Variants in PCNX2 observed in about 807,000 individuals in gnomAD.
PCNX2 encodes pecanex 2, also known as pecanex-like protein 2.
A neutral mutation model predicts 223.8 loss-of-function variants in PCNX2; 168 were observed. The observed-to-expected ratio is 0.75, with a 90% CI of 0.66 to 0.85. The LOEUF (loss-of-function observed/expected upper bound fraction) is 0.85. Ranked by LOEUF, PCNX2 falls within the 40% of genes least tolerant of loss-of-function variation. The probability of loss-of-function intolerance (pLI) is 0.00; values close to 1 mark genes in which losing one functional copy is unlikely to be tolerated. For synonymous variants in PCNX2, 1,006 were observed against 1,052.6 expected, an observed-to-expected ratio of 0.96 and a Z score of 0.86; for missense variants, 2,507 against 2,675.5, an observed-to-expected ratio of 0.94 and a Z score of 1.39.
chr1:233,129,553 G>A (rs1350487444), intron 21 of PCNX2, among the ~76,000 whole-genome samples: 1 of 152,226 alleles, frequency 6.6e-6, no homozygotes, highest in East Asian at 1.9e-4. Context: ...CCTCAGTGTG[G>A]GATCCACTGG....
intron 8 of PCNX2, among the ~76,000 whole-genome samples, chr1:233,247,684 C>T (rs1382663284): frequency 6.6e-6 from 1 of 151,948 alleles, no homozygotes; most frequent in African/African-American, 2.4e-5. Context: ...TTGAGACCAG[C>T]CTGGCCAACA....
At position 233,280,148 on chromosome 1, in the gene PCNX2, G is replaced by A. The variant is rs141491135; in HGVS notation, c.153+15178C>T. 1.7e-3 allele frequency among the ~76,000 whole-genome samples: 256 copies of A among 152,078 alleles called. 1 individual carries two copies. The highest frequency in any genetic ancestry group is 5.8e-3 in the African/African-American group (242 of 41,458). On this transcript the variant is annotated intron_variant, in intron 1 of 33. Transcript: ENST00000258229. ...GCTGTGTACTACTCCACTGTAGGACGTACCTTAATCCATTAAGCCAATTCC... is the reference window on the plus strand; with the variant it reads ...GCTGTGTACTACTCCACTGTAGGACATACCTTAATCCATTAAGCCAATTCC...
chr1:233,259,439 C>T (rs888203000), intron 4 of PCNX2, 95 bp from the exon 5 acceptor site: 6 of 1,406,316 alleles, frequency 4.3e-6, no homozygotes, highest in African/African-American at 1.5e-5. Context: ...TAAAACAGCA[C>T]CAGCAACTAA....
Position 232,998,235 on chromosome 1 carries a change from C to T in PCNX2, c.5791+16G>A. The T allele has an allele frequency of 6.6e-7, 1 of 1,521,504 alleles. No individual in the cohort carries two copies. Among genetic ancestry groups the T allele is most frequent in the East Asian group, 2.4e-5 (1 of 40,972 alleles). The allele number at this position is 1,521,504 out of a possible 1,614,324, so 94.3% of individuals were successfully genotyped here. ...TAGGACTTCATCGATAGTTTGGAGG[C>T]CCCTGCTGCACCCACCTGTTCTCTG... On this transcript the variant is annotated intron_variant, in intron 32 of 33. Transcript: ENST00000258229.
At chr1:233,268,861 T>C (rs1432848466) in intron 1 of PCNX2, among the ~76,000 whole-genome samples, 2 of 152,188 alleles carry the variant, frequency 1.3e-5, no homozygotes, top group African/African-American at 4.8e-5. Flanking sequence ...GAACTGGGCA[T>C]GTCTTTCTCA....
chr1:233,149,463 G>GCCT (rs1571971851), intron 19 of PCNX2, among the ~76,000 whole-genome samples: 1 of 120,336 alleles, frequency 8.3e-6, no homozygotes, highest in East Asian at 2.3e-4. Flanking sequence ...TTTCAGTGGG[G>GCCT]GTGAGGCTTG....
chr1:233,224,170 G>A (rs1413449191), intron 10 of PCNX2, among the ~76,000 whole-genome samples: 2 of 152,214 alleles, frequency 1.3e-5, no homozygotes, highest in Non-Finnish European at 2.9e-5. Context: ...ATAATGCACA[G>A]AAGGGCAACT....
intron 27 of PCNX2, among the ~76,000 whole-genome samples, chr1:233,015,131 G>C (rs1670605443): frequency 6.6e-6 from 1 of 152,206 alleles, no homozygotes; most frequent in Non-Finnish European, 1.5e-5. Flanking sequence ...CAAAGGAGAG[G>C]CATGGTCTAG....
chr1:233,039,493 G>A (rs1475859470), intron 25 of PCNX2, among the ~76,000 whole-genome samples: 1 of 152,120 alleles, frequency 6.6e-6, no homozygotes, highest in African/African-American at 2.4e-5. Flanking sequence ...ATGGTACCTG[G>A]CATGTAATTG....
intron 28 of PCNX2, among the ~76,000 whole-genome samples, chr1:233,011,979 G>T (rs1333748362): frequency 6.6e-6 from 1 of 152,110 alleles, no homozygotes; most frequent in Non-Finnish European, 1.5e-5. Context: ...AGACTTGTGG[G>T]CCTCAACCTT....
chr1:233,093,347 T>C (rs890522382), intron 22 of PCNX2, among the ~76,000 whole-genome samples: 4 of 152,204 alleles, frequency 2.6e-5, no homozygotes, highest in African/African-American at 4.8e-5. Flanking sequence ...ATGCTAGTAC[T>C]GGAAAAAGCA....
intron 23 of PCNX2, among the ~76,000 whole-genome samples, chr1:233,084,818 C>T (rs771916249): frequency 3.3e-5 from 5 of 152,146 alleles, no homozygotes; most frequent in African/African-American, 7.2e-5. Context: ...TCTGACATTA[C>T]GGGGATGTAT....
chr1:233,055,524 G>A (rs897783082), intron 24 of PCNX2, among the ~76,000 whole-genome samples: 1 of 152,060 alleles, frequency 6.6e-6, no homozygotes, highest in African/African-American at 2.4e-5. Context: ...CTCTCAAGAT[G>A]AGGGATATAA....
At chr1:233,121,806 G>A (rs190485041) in intron 21 of PCNX2, among the ~76,000 whole-genome samples, 4 of 152,094 alleles carry the variant, frequency 2.6e-5, no homozygotes, top group Non-Finnish European at 5.9e-5. Flanking sequence ...GTTTAATGCC[G>A]ATACAGGTAG....
the PCNX2 span, among the ~76,000 whole-genome samples, chr1:233,307,432 T>C: frequency 6.6e-6 from 1 of 152,170 alleles, no homozygotes; most frequent in African/African-American, 2.4e-5. Flanking sequence ...CAGCTCCCAT[T>C]TGCTTTCTGT....
At chr1:233,140,606 T>C (rs925153237) in intron 19 of PCNX2, among the ~76,000 whole-genome samples, 3 of 152,322 alleles carry the variant, frequency 2.0e-5, no homozygotes, top group Non-Finnish European at 4.4e-5. Context: ...CTACTCCTCA[T>C]GGCAGGAGAT....
At chr1:233,316,888 C>T in the PCNX2 span, among the ~76,000 whole-genome samples, 1 of 152,168 alleles carries the variant, frequency 6.6e-6, no homozygotes, top group African/African-American at 2.4e-5. Context: ...TTCATCCTGT[C>T]TATTTTTCAT....
chr1:233,269,780 G>A (rs1185423531), intron 1 of PCNX2, among the ~76,000 whole-genome samples: 2 of 152,106 alleles, frequency 1.3e-5, no homozygotes, highest in Non-Finnish European at 2.9e-5. Flanking sequence ...CGAGAGTGCT[G>A]GGATGATTGT....
intron 23 of PCNX2, chr1:233,065,460 A>G (rs1672561134): frequency 6.6e-6 from 1 of 152,186 alleles, no homozygotes; most frequent in Non-Finnish European, 1.5e-5. Context: ...GATTGGTTGT[A>G]TTCTTCCGGA....
Sources: allele counts gnomAD v4.1 joint callset (sites outside exome capture counted in the v4.1 genomes callset), GRCh38; gene constraint gnomAD v4.1.1; transcripts MANE v1.5; gene names NCBI Gene and HGNC (gene_info 2026-07-23, HGNC 2026-07-21).